STON2: variants seen among roughly 807,000 people sequenced by gnomAD.
The protein encoded by STON2 is stonin 2.
In STON2, 29 loss-of-function variants were observed where a neutral mutation model predicts 65.7. That is an observed-to-expected ratio of 0.44 (90% CI 0.33 to 0.60). STON2 has a LOEUF of 0.60. Among genes scored for constraint, STON2 ranks in the 20% least tolerant of loss-of-function variants. The pLI, the probability that STON2 is intolerant of heterozygous loss-of-function variation, is 0.03. For missense variants in STON2, 1,054 were observed against 1,118.1 expected, an observed-to-expected ratio of 0.94 and a Z score of 0.82; for synonymous variants, 404 against 414.2, an observed-to-expected ratio of 0.98 and a Z score of 0.30.
chr14:81,374,286 T>C (rs1028669935), intron 3 of STON2, among the ~76,000 whole-genome samples: 1 of 151,996 alleles, frequency 6.6e-6, no homozygotes. Flanking sequence ...CCCAAAGTGT[T>C]AGGATTACAG....
In STON2 at chr14:81,270,797, T is replaced by A. The variant is rs150769899; in HGVS notation, c.2657A>T (p.Asn886Ile). ...CATGCTGAACTCGACATTCACGTGATTGGCAAATCTGGAAGGCACTTCCCG... is the reference window on the plus strand; with the variant it reads ...CATGCTGAACTCGACATTCACGTGAATGGCAAATCTGGAAGGCACTTCCCG... ...SDREVPSRFA[N>I]HVNVEFSMPT... The change falls in exon 7 of 8, where the codon AAT becomes ATT. Residue 886 changes from asparagine (N) to isoleucine (I), a missense_variant. Asn to Ile is a moderately radical substitution (Grantham distance 149). Coordinates refer to ENST00000614646, the MANE Select transcript of STON2 (RefSeq NM_001394390.1). 6.2e-6 allele frequency: 10 copies of A among 1,613,922 alleles called. No individual in the cohort carries two copies. Among genetic ancestry groups the A allele is most frequent in the Non-Finnish European group, 8.5e-6 (10 of 1,180,024 alleles).
intron 2 of STON2, among the ~76,000 whole-genome samples, chr14:81,426,399 C>G (rs572667662): frequency 6.6e-6 from 1 of 152,288 alleles, no homozygotes; most frequent in African/African-American, 2.4e-5. Flanking sequence ...TGATTCAACC[C>G]TAGGACCCCT....
In STON2 at chr14:81,412,254, G is replaced by A. The variant is rs193056694; in HGVS notation, c.-198-13674C>T. 7.9e-5 allele frequency among the ~76,000 whole-genome samples: 11 copies of A among 139,872 alleles called. 1 individual carries two copies. The highest frequency in any genetic ancestry group is 6.0e-5 in the Non-Finnish European group (4 of 66,938). The allele number at this position is 139,872 out of a possible 152,430, so 91.8% of individuals were successfully genotyped here. Reference sequence around the variant, plus strand: ...ACTCAGCAAAGAAGAGAATGGAAAGGGAAAGACTGGAATTAAAGCAAACAA... The same window carrying A: ...ACTCAGCAAAGAAGAGAATGGAAAGAGAAAGACTGGAATTAAAGCAAACAA... On this transcript the variant is annotated intron_variant, in intron 2 of 8. Transcript: ENST00000553821.
intron 4 of STON2, among the ~76,000 whole-genome samples, chr14:81,357,005 C>G (rs1298516735): frequency 6.6e-6 from 1 of 152,102 alleles, no homozygotes; most frequent in African/African-American, 2.4e-5. Context: ...GACTTCATGT[C>G]TAAAACACCA....
intron 4 of STON2, among the ~76,000 whole-genome samples, chr14:81,346,543 G>C (rs773977291): frequency 2.0e-5 from 3 of 152,160 alleles, no homozygotes; most frequent in African/African-American, 4.8e-5. Context: ...AGAAAAAAAA[G>C]AAGTGGATTT....
chr14:81,283,911 T>C (rs566768707), intron 5 of STON2, among the ~76,000 whole-genome samples: 1 of 152,344 alleles, frequency 6.6e-6, no homozygotes, highest in Non-Finnish European at 1.5e-5. Flanking sequence ...GTGCTCACTC[T>C]GTCTCTGGGT....
intron 5 of STON2, among the ~76,000 whole-genome samples, chr14:81,296,479 T>C (rs1434177496): frequency 1.3e-5 from 2 of 152,254 alleles, no homozygotes; most frequent in East Asian, 3.9e-4. Context: ...ACTCTAAAAA[T>C]AGTAACCTTT....
chr14:81,358,439 C>T (rs896824573), intron 4 of STON2, among the ~76,000 whole-genome samples: 3 of 151,956 alleles, frequency 2.0e-5, no homozygotes, highest in Non-Finnish European at 2.9e-5. Flanking sequence ...AAGCATACCA[C>T]TACAGAAAAC....
At chr14:81,276,249 G>A (rs1034647738) in intron 6 of STON2, among the ~76,000 whole-genome samples, 11 of 152,206 alleles carry the variant, frequency 7.2e-5, no homozygotes, top group African/African-American at 2.7e-4. Flanking sequence ...GCTAGGGCTG[G>A]TAAGCATTTT....
intron 2 of STON2, among the ~76,000 whole-genome samples, chr14:81,420,184 A>G (rs1901635146): frequency 6.6e-6 from 1 of 152,206 alleles, no homozygotes; most frequent in African/African-American, 2.4e-5. Context: ...GTAGCCTCGG[A>G]TGGCCGAATG....
chr14:81,267,654 T>C lies in STON2; in HGVS notation c.*760A>G. 18 of 985,400 alleles carry C rather than the reference T, an allele frequency of 1.8e-5. No individual in the cohort carries two copies. The highest frequency in any genetic ancestry group is 2.0e-5 in the Non-Finnish European group (17 of 829,902). 61.0% of individuals were successfully genotyped at this position (985,400 alleles called of 1,614,324 possible). ...TATTTAATGTCTCTTTTCTCCAAAA[T>C]GAAGAAAACTAAGATTAATTTTGCC... On this transcript the variant is annotated 3_prime_UTR_variant, in exon 8 of 8. Coordinates refer to ENST00000614646, the MANE Select transcript of STON2 (RefSeq NM_001394390.1).
intron 4 of STON2, among the ~76,000 whole-genome samples, chr14:81,342,226 C>T (rs1262592571): frequency 6.7e-6 from 1 of 149,282 alleles, no homozygotes; most frequent in Non-Finnish European, 1.5e-5. Flanking sequence ...CCTCTGCCTC[C>T]CAGGTTCAAG....
chr14:81,420,242 T>C (rs1295552307), intron 2 of STON2, among the ~76,000 whole-genome samples: 1 of 152,206 alleles, frequency 6.6e-6, no homozygotes, highest in African/African-American at 2.4e-5. Context: ...GGGTTTGAGA[T>C]GTGCCTAAGA....
rs1894848868 is a variant in STON2, at chr14:81,276,959, G to A, written c.2523C>T (p.Tyr841=). 3.1e-6 allele frequency: 5 copies of A among 1,614,200 alleles called. No individual in the cohort carries two copies. The highest frequency in any genetic ancestry group is 2.2e-5 in the East Asian group (1 of 44,876). The change falls in exon 6 of 8, where the codon TAC becomes TAT. Residue 841 remains tyrosine, a synonymous_variant. Transcript: ENST00000614646. The part of the protein sequence containing the change: ...VMRVTLGTAK[Y]EHAFNSIVWR... ...ACACAATGGAGTTGAAGGCATGCTC[G>A]TACTTGGCAGTTCCCAGAGTTACTC...
At chr14:81,283,874 C>G (rs1895230329) in intron 5 of STON2, among the ~76,000 whole-genome samples, 1 of 152,184 alleles carries the variant, frequency 6.6e-6, no homozygotes, top group Non-Finnish European at 1.5e-5. Flanking sequence ...AACCCAAAGT[C>G]TGTCAGCACC....
chr14:81,330,750 C>T (rs1897181991), intron 4 of STON2, among the ~76,000 whole-genome samples: 1 of 152,152 alleles, frequency 6.6e-6, no homozygotes, highest in African/African-American at 2.4e-5. Context: ...CCTAGCTTAG[C>T]TCCCTCAGGG....
chr14:81,423,957 A>T (rs1901840879), intron 2 of STON2, among the ~76,000 whole-genome samples: 1 of 152,130 alleles, frequency 6.6e-6, no homozygotes, highest in Non-Finnish European at 1.5e-5. Context: ...GTGGAGTCTG[A>T]GGTTTTGATA....
chr14:81,431,755 C>A (rs189422918), intron 1 of STON2, among the ~76,000 whole-genome samples: 15 of 146,686 alleles, frequency 1.0e-4, no homozygotes, highest in Non-Finnish European at 1.9e-4. Context: ...CTAGGCTAGG[C>A]AACAACAGCG....
intron 1 of STON2, among the ~76,000 whole-genome samples, chr14:81,399,600 G>A (rs370120471): frequency 7.4e-4 from 112 of 152,286 alleles, no homozygotes; most frequent in African/African-American, 2.6e-3. Flanking sequence ...GTTTAAAACA[G>A]TTTTGGCATA....
Sources: gnomAD v4.1 joint callset for allele counts (sites outside exome capture counted in the v4.1 genomes callset) on GRCh38, gnomAD v4.1.1 for gene constraint, MANE v1.5 for transcripts, NCBI Gene and HGNC (gene_info 2026-07-23, HGNC 2026-07-21) for gene names.